The following TAFA1 variants were observed in gnomAD, a reference collection of about 807,000 sequenced individuals.
The protein encoded by TAFA1 is TAFA chemokine like family member 1.
TAFA1 carries 4 observed loss-of-function variants against 18.5 expected under a neutral mutation model. The ratio of observed to expected loss-of-function variants is 0.22; its 90% CI spans 0.11 to 0.49. TAFA1 has a LOEUF of 0.49. Among genes scored for constraint, TAFA1 ranks in the 20% least tolerant of loss-of-function variants. The probability of loss-of-function intolerance (pLI) is 0.98; values close to 1 mark genes in which losing one functional copy is unlikely to be tolerated. For missense variants in TAFA1, 147 were observed against 169.0 expected, an observed-to-expected ratio of 0.87 and a Z score of 0.72; for synonymous variants, 56 against 55.2, an observed-to-expected ratio of 1.01 and a Z score of -0.06.
chr3:68,411,751 C>A (rs753547722), intron 2 of TAFA1, among the ~76,000 whole-genome samples: 4 of 152,114 alleles, frequency 2.6e-5, no homozygotes, highest in Non-Finnish European at 4.4e-5. Context: ...GTCTTTAGAG[C>A]AAAGTTATGT....
At chr3:68,376,522 G>T (rs111672684) in intron 2 of TAFA1, among the ~76,000 whole-genome samples, 3 of 151,880 alleles carry the variant, frequency 2.0e-5, no homozygotes, top group South Asian at 2.1e-4. Context: ...TTTTCTGTTC[G>T]TACGTTAGTT....
chr3:68,362,157 A>G (rs1010259589), intron 2 of TAFA1, among the ~76,000 whole-genome samples: 8 of 152,144 alleles, frequency 5.3e-5, no homozygotes, highest in Non-Finnish European at 1.0e-4. Flanking sequence ...TAACATACCT[A>G]TTATACACTT....
intron 2 of TAFA1, among the ~76,000 whole-genome samples, chr3:68,096,651 G>T (rs1212099428): frequency 6.6e-6 from 1 of 152,122 alleles, no homozygotes; most frequent in Non-Finnish European, 1.5e-5. Flanking sequence ...TCACAGCCAA[G>T]CTGGGATATA....
chr3:68,152,904 C>G (rs1207641438), intron 2 of TAFA1, among the ~76,000 whole-genome samples: 1 of 152,024 alleles, frequency 6.6e-6, no homozygotes, highest in Non-Finnish European at 1.5e-5. Flanking sequence ...CCTGGGCAAA[C>G]TTGAATCTTT....
intron 2 of TAFA1, among the ~76,000 whole-genome samples, chr3:68,187,523 T>C (rs1575668433): frequency 6.6e-6 from 1 of 152,054 alleles, no homozygotes; most frequent in South Asian, 2.1e-4. Context: ...TTGGGTGATA[T>C]AGCTCATCTT....
At chr3:68,527,336 C>A (rs778549705) in intron 3 of TAFA1, among the ~76,000 whole-genome samples, 1 of 152,050 alleles carries the variant, frequency 6.6e-6, no homozygotes, top group Non-Finnish European at 1.5e-5. Flanking sequence ...TCCTTGTCAC[C>A]AGAGCATACA....
At chr3:68,520,694 C>T (rs150457033) in intron 3 of TAFA1, among the ~76,000 whole-genome samples, 2,123 of 152,306 alleles carry the variant, frequency 0.014, 64 homozygotes, top group African/African-American at 0.048. Flanking sequence ...GTAACTTCTG[C>T]ATCTGGCATG....
intron 3 of TAFA1, among the ~76,000 whole-genome samples, chr3:68,458,580 G>A (rs1248360390): frequency 6.6e-6 from 1 of 152,114 alleles, no homozygotes; most frequent in Admixed American, 6.5e-5. Context: ...TAAGACACAG[G>A]AATCTGATTC....
At chr3:68,469,779 A>G (rs557793019) in intron 3 of TAFA1, among the ~76,000 whole-genome samples, 3 of 152,310 alleles carry the variant, frequency 2.0e-5, no homozygotes, top group Admixed American at 1.3e-4. Context: ...CTTGTATTCA[A>G]ATTCTGATTC....
At chr3:68,109,636 G>C (rs1228143598) in intron 2 of TAFA1, among the ~76,000 whole-genome samples, 7 of 152,116 alleles carry the variant, frequency 4.6e-5, no homozygotes, top group Admixed American at 3.9e-4. Flanking sequence ...CCAAGAGGAG[G>C]CTGCTCCTCT....
chr3:68,465,262 C>A lies in TAFA1; in HGVS notation c.259+47842C>A, dbSNP rs1006916586. 4.6e-5 allele frequency among the ~76,000 whole-genome samples: 7 copies of A among 152,106 alleles called. 1 individual carries two copies. Among genetic ancestry groups the A allele is most frequent in the Admixed American group, 4.6e-4 (7 of 15,258 alleles). On this transcript the variant is annotated intron_variant, in intron 3 of 4. Transcript: ENST00000478136. ...CTACTGGGAACAACTAGCTTTGCAG[C>A]AGATACCTTGTAACCATATAGTGAC...
chr3:68,335,865 G>C (rs537195228), intron 2 of TAFA1, among the ~76,000 whole-genome samples: 90 of 152,290 alleles, frequency 5.9e-4, no homozygotes, highest in African/African-American at 2.1e-3. Flanking sequence ...TTTACTTATG[G>C]AAAACTTTCC....
intron 2 of TAFA1, among the ~76,000 whole-genome samples, chr3:68,298,515 T>C (rs528576902): frequency 1.3e-5 from 2 of 152,276 alleles, no homozygotes; most frequent in Admixed American, 1.3e-4. Flanking sequence ...AAAACACTTA[T>C]ATGGTTTAGC....
intron 3 of TAFA1, among the ~76,000 whole-genome samples, chr3:68,428,993 T>C (rs1431807850): frequency 1.3e-5 from 2 of 151,990 alleles, no homozygotes; most frequent in Admixed American, 6.6e-5. Flanking sequence ...GAGAATATAC[T>C]TGGGGTCATG....
chr3:68,528,187 C>T (rs1440362959), intron 3 of TAFA1, among the ~76,000 whole-genome samples: 1 of 152,170 alleles, frequency 6.6e-6, no homozygotes, highest in East Asian at 1.9e-4. Flanking sequence ...ATAACTGCCA[C>T]ATGCTGAGTA....
chr3:68,112,099 A>AG (rs2065269582), intron 2 of TAFA1, among the ~76,000 whole-genome samples: 1 of 151,332 alleles, frequency 6.6e-6, no homozygotes, highest in Non-Finnish European at 1.5e-5. Flanking sequence ...TGGATGAAAA[A>AG]AAAATGCTAT....
At chr3:68,049,750 C>T (rs568969549) in intron 2 of TAFA1, among the ~76,000 whole-genome samples, 1 of 152,134 alleles carries the variant, frequency 6.6e-6, no homozygotes, top group South Asian at 2.1e-4. Flanking sequence ...TGACTGCCAT[C>T]ATAACAGAAG....
chr3:68,053,805 G>T (rs1160091934), intron 2 of TAFA1, among the ~76,000 whole-genome samples: 3 of 152,230 alleles, frequency 2.0e-5, no homozygotes, highest in Non-Finnish European at 1.5e-5. Flanking sequence ...CCGGGCTCAA[G>T]CCATCCTCCT....
chr3:68,451,754 G>T (rs1051286212), intron 3 of TAFA1, among the ~76,000 whole-genome samples: 3 of 152,232 alleles, frequency 2.0e-5, no homozygotes, highest in Non-Finnish European at 4.4e-5. Flanking sequence ...ATAGGGATCA[G>T]AGCCATCTGT....
Sources: gnomAD v4.1 joint callset for allele counts (sites outside exome capture counted in the v4.1 genomes callset) on GRCh38, gnomAD v4.1.1 for gene constraint, MANE v1.5 for transcripts, NCBI Gene and HGNC (gene_info 2026-07-23, HGNC 2026-07-21) for gene names.